RCAN2: variants seen among roughly 807,000 people sequenced by gnomAD.
RCAN2 encodes calcipressin-2.
RCAN2 carries 9 observed loss-of-function variants against 23.6 expected under a neutral mutation model. The ratio of observed to expected loss-of-function variants is 0.38; its 90% CI spans 0.23 to 0.67. The LOEUF is 0.67. Among genes scored for constraint, RCAN2 ranks in the 30% least tolerant of loss-of-function variants. The probability of loss-of-function intolerance (pLI) is 0.51; values close to 1 mark genes in which losing one functional copy is unlikely to be tolerated. For synonymous variants in RCAN2, 109 were observed against 115.7 expected, an observed-to-expected ratio of 0.94 and a Z score of 0.37; for missense variants, 273 against 302.3, an observed-to-expected ratio of 0.90 and a Z score of 0.72.
At chr6:46,361,023 C>T (rs1008134074) in intron 2 of RCAN2, among the ~76,000 whole-genome samples, 11 of 151,248 alleles carry the variant, frequency 7.3e-5, no homozygotes, top group Admixed American at 2.6e-4. Context: ...TGTTTTATGT[C>T]TAAACATCTG....
intron 2 of RCAN2, among the ~76,000 whole-genome samples, chr6:46,386,497 A>T (rs779228249): frequency 1.7e-4 from 25 of 150,888 alleles, no homozygotes; most frequent in African/African-American, 2.9e-4. Context: ...AATCCCAGCT[A>T]CTCGGGAGGC....
chr6:46,391,041 G>A (rs560093280), intron 2 of RCAN2, among the ~76,000 whole-genome samples: 42 of 152,274 alleles, frequency 2.8e-4, no homozygotes, highest in African/African-American at 1.0e-3. Context: ...TGTGTCAGAG[G>A]GGAGAGGTGT....
intron 2 of RCAN2, among the ~76,000 whole-genome samples, chr6:46,294,271 A>C (rs2150347182): frequency 6.6e-6 from 1 of 152,346 alleles, no homozygotes; most frequent in Non-Finnish European, 1.5e-5. Flanking sequence ...TAGAAATTTA[A>C]TTATTCATTT....
intron 2 of RCAN2, among the ~76,000 whole-genome samples, chr6:46,323,529 G>A (rs1763686759): frequency 6.6e-6 from 1 of 152,092 alleles, no homozygotes; most frequent in South Asian, 2.1e-4. Context: ...TCACCATCTA[G>A]CCCTGACTCA....
chr6:46,290,943 C>G (rs1762538886), intron 2 of RCAN2, among the ~76,000 whole-genome samples: 1 of 152,238 alleles, frequency 6.6e-6, no homozygotes, highest in Non-Finnish European at 1.5e-5. Flanking sequence ...ACTCACTCCT[C>G]ACAATCCCTG....
chr6:46,282,007 G>A (rs1762198167), intron 2 of RCAN2, among the ~76,000 whole-genome samples: 1 of 152,132 alleles, frequency 6.6e-6, no homozygotes, highest in Non-Finnish European at 1.5e-5. Context: ...TATACTGGAA[G>A]CACTATAAAG....
At position 46,250,226 on chromosome 6, in the gene RCAN2, G is replaced by C. The variant is rs1312989682; in HGVS notation, c.226-1330C>G. Among the ~76,000 whole-genome samples, 4 of 152,036 alleles carry C rather than the reference G, an allele frequency of 2.6e-5. No homozygotes were observed. The East Asian group carries it at 5.8e-4, about 22-fold the overall frequency. ...TGCAGAAAGGCATAACAGAAAACTA[G>C]AGAATTAAAAAAGAAAAAATATATA... On this transcript the variant is annotated intron_variant, in intron 2 of 4. Coordinates refer to ENST00000371374, the MANE Select transcript of RCAN2 (RefSeq NM_001251974.2).
intron 4 of RCAN2, among the ~76,000 whole-genome samples, chr6:46,243,809 C>CAAAAAA (rs376524527): frequency 7.3e-5 from 4 of 55,024 alleles, no homozygotes; most frequent in South Asian, 1.1e-3. Context: ...GATTCTGTCT[C>CAAAAAA]AAAAAAAAAA....
chr6:46,489,831 G>A (rs1213130903), intron 1 of RCAN2, among the ~76,000 whole-genome samples: 1 of 152,214 alleles, frequency 6.6e-6, no homozygotes, highest in African/African-American at 2.4e-5. Context: ...TGAATGCAAA[G>A]TGCAACTCAC....
At chr6:46,408,063 T>C (rs1162830976) in intron 2 of RCAN2, among the ~76,000 whole-genome samples, 1 of 152,198 alleles carries the variant, frequency 6.6e-6, no homozygotes, top group African/African-American at 2.4e-5. Flanking sequence ...GGAGGGAAGC[T>C]GCTTATAAAA....
chr6:46,483,905 C>A (rs1307814780), intron 1 of RCAN2, among the ~76,000 whole-genome samples: 1 of 152,162 alleles, frequency 6.6e-6, no homozygotes, highest in Non-Finnish European at 1.5e-5. Flanking sequence ...TGCTGTTGAG[C>A]AAATAAAATT....
At chr6:46,372,867 A>G (rs536465997) in intron 2 of RCAN2, among the ~76,000 whole-genome samples, 1 of 152,352 alleles carries the variant, frequency 6.6e-6, no homozygotes, top group East Asian at 1.9e-4. Flanking sequence ...AGAACATGTT[A>G]CAGGAAAATA....
At chr6:46,464,820 G>A (rs1744222778) in intron 1 of RCAN2, among the ~76,000 whole-genome samples, 1 of 151,964 alleles carries the variant, frequency 6.6e-6, no homozygotes, top group South Asian at 2.1e-4. Flanking sequence ...GACACCTTCT[G>A]GAGCCACTGT....
At chr6:46,487,582 A>G (rs1416906981) in intron 1 of RCAN2, among the ~76,000 whole-genome samples, 2 of 152,172 alleles carry the variant, frequency 1.3e-5, no homozygotes, top group Non-Finnish European at 2.9e-5. Flanking sequence ...TAATCTCACA[A>G]TATGTGCATT....
chr6:46,457,855 A>C (rs1561913911), intron 1 of RCAN2, among the ~76,000 whole-genome samples: 1 of 151,658 alleles, frequency 6.6e-6, no homozygotes, highest in Non-Finnish European at 1.5e-5. Flanking sequence ...CCCTTCTATT[A>C]TTTTTTCACC....
At chr6:46,421,379 C>A (rs988949706) in intron 2 of RCAN2, among the ~76,000 whole-genome samples, 1 of 151,970 alleles carries the variant, frequency 6.6e-6, no homozygotes, top group South Asian at 2.1e-4. Context: ...GACAGCAGGA[C>A]AACAGAGAGG....
rs539874019 is a variant in RCAN2, at chr6:46,445,979, A to G, written c.225+10773T>C. 4.6e-5 allele frequency among the ~76,000 whole-genome samples: 7 copies of G among 152,296 alleles called. No individual in the cohort carries two copies. The East Asian group carries it at 1.2e-3, about 25-fold the overall frequency. On this transcript the variant is annotated intron_variant, in intron 2 of 4. Coordinates refer to ENST00000371374, the MANE Select transcript of RCAN2 (RefSeq NM_001251974.2). ...ATTGGAGTTAAAAAGTAAGAGTAGA[A>G]CAATAAAGGGCCAGGAAATTCAGTT...
chr6:46,309,573 T>C (rs1414700495), intron 2 of RCAN2, among the ~76,000 whole-genome samples: 18 of 152,154 alleles, frequency 1.2e-4, no homozygotes, highest in South Asian at 2.1e-4. Flanking sequence ...AATGCTTAGG[T>C]TGGTGCTCAA....
intron 2 of RCAN2, among the ~76,000 whole-genome samples, chr6:46,415,422 A>G (rs374039823): frequency 1.7e-4 from 26 of 152,338 alleles, no homozygotes; most frequent in African/African-American, 6.3e-4. Context: ...ATGAAGCTGT[A>G]TGCAGGGACA....
Sources: gnomAD v4.1 joint callset for allele counts (sites outside exome capture counted in the v4.1 genomes callset) on GRCh38, gnomAD v4.1.1 for gene constraint, MANE v1.5 for transcripts, NCBI Gene and HGNC (gene_info 2026-07-23, HGNC 2026-07-21) for gene names.